Variants in TMPRSS15 observed in about 807,000 individuals in gnomAD.
The protein encoded by TMPRSS15 is enteropeptidase.
A neutral mutation model predicts 125.3 loss-of-function variants in TMPRSS15; 128 were observed. That is an observed-to-expected ratio of 1.02 (90% CI 0.89 to 1.18). TMPRSS15 has a LOEUF of 1.18. TMPRSS15 is among the 50% of genes most tolerant of loss of function. The pLI is 0.00. For synonymous variants in TMPRSS15, 446 were observed against 423.2 expected (o/e 1.05, Z -0.66); for missense variants, 1,283 against 1,212.7 (o/e 1.06, Z -0.86).
chr21:18,332,722 AC>A (rs764075484), intron 13 of TMPRSS15, among the ~76,000 whole-genome samples: 23 of 152,204 alleles, frequency 1.5e-4, no homozygotes, highest in Non-Finnish European at 2.2e-4. Flanking sequence ...ATACAATTTG[AC>A]CCAGCAATTC....
intron 15 of TMPRSS15, among the ~76,000 whole-genome samples, chr21:18,328,014 C>T (rs1355419306): frequency 1.3e-5 from 2 of 152,118 alleles, no homozygotes; most frequent in Non-Finnish European, 2.9e-5. Context: ...GATCGCACCA[C>T]TGCACTCCAG....
intron 1 of TMPRSS15, among the ~76,000 whole-genome samples, chr21:18,479,622 C>A (rs367697239): frequency 2.0e-5 from 3 of 151,690 alleles, no homozygotes; most frequent in African/African-American, 7.3e-5. Context: ...TTATGTGGCC[C>A]ACAAACATGA....
chr21:18,273,154 G>A (rs1162861668), intron 24 of TMPRSS15, among the ~76,000 whole-genome samples: 1 of 152,134 alleles, frequency 6.6e-6, no homozygotes, highest in Non-Finnish European at 1.5e-5. Context: ...CTAAATTTTA[G>A]GTAGAGAAGA....
chr21:18,468,672 A>G (rs962965504), intron 1 of TMPRSS15, among the ~76,000 whole-genome samples: 6 of 152,222 alleles, frequency 3.9e-5, no homozygotes, highest in African/African-American at 1.4e-4. Flanking sequence ...AAAACATAAT[A>G]CAAGAAAAGC....
chr21:18,412,594 T>A (rs2076168815), intron 1 of TMPRSS15, among the ~76,000 whole-genome samples: 2 of 152,186 alleles, frequency 1.3e-5, no homozygotes. Context: ...AATACATAGC[T>A]TCTTTGCTGC....
chr21:18,400,784 C>A (rs952426691), intron 1 of TMPRSS15, among the ~76,000 whole-genome samples: 5 of 151,944 alleles, frequency 3.3e-5, no homozygotes, highest in Non-Finnish European at 7.4e-5. Context: ...TCAAGAAAGT[C>A]AACATACAAC....
chr21:18,324,679 C>T (rs2075271911), intron 16 of TMPRSS15, among the ~76,000 whole-genome samples: 1 of 152,014 alleles, frequency 6.6e-6, no homozygotes, highest in Non-Finnish European at 1.5e-5. Context: ...GTTTTTCTGT[C>T]AACTAAAGTT....
At chr21:18,399,467 A>G (rs1163163292) in intron 1 of TMPRSS15, among the ~76,000 whole-genome samples, 1 of 152,160 alleles carries the variant, frequency 6.6e-6, no homozygotes, top group Admixed American at 6.5e-5. Context: ...TCAAAATTAC[A>G]TTGAAGTTTG....
chr21:18,469,638 A>T (rs1978737483), intron 1 of TMPRSS15, among the ~76,000 whole-genome samples: 2 of 152,046 alleles, frequency 1.3e-5, no homozygotes, highest in Admixed American at 1.3e-4. Context: ...ATACAATACA[A>T]GAGCCACATA....
chr21:18,343,493 G>C lies in TMPRSS15; in HGVS notation c.1428+13C>G. 6.3e-7 allele frequency: 1 copy of C among 1,585,534 alleles called. No individual in the cohort carries two copies. The highest frequency in any genetic ancestry group is 2.2e-5 in the East Asian group (1 of 44,602). On this transcript the variant is annotated intron_variant, in intron 12 of 24. Transcript: ENST00000284885. ...AAAGGATACAAATATAAATAATAAA[G>C]TATTTTGCAAACCTTAAATTTAACT...
chr21:18,316,191 G>C (rs944247084), intron 16 of TMPRSS15, among the ~76,000 whole-genome samples: 2 of 152,118 alleles, frequency 1.3e-5, no homozygotes, highest in African/African-American at 4.8e-5. Context: ...TGAAACCTCA[G>C]ACATCTCTTT....
intron 24 of TMPRSS15, among the ~76,000 whole-genome samples, chr21:18,273,428 G>GTATT (rs2074584678): frequency 6.6e-6 from 1 of 152,176 alleles, no homozygotes; most frequent in Non-Finnish European, 1.5e-5. Flanking sequence ...ACAGTCTAGT[G>GTATT]TATTAATTAC....
At chr21:18,345,244 A>G (rs1336866333) in intron 10 of TMPRSS15, among the ~76,000 whole-genome samples, 1 of 152,130 alleles carries the variant, frequency 6.6e-6, no homozygotes, top group Admixed American at 6.5e-5. Flanking sequence ...CATTACTCCT[A>G]TTTTATATAA....
chr21:18,365,115 C>T, intron 7 of TMPRSS15, 25 bp downstream of exon 7: 1 of 1,588,016 alleles, frequency 6.3e-7, no homozygotes, highest in South Asian at 1.1e-5. Flanking sequence ...GACTTAAGAA[C>T]AGAAAATATA....
intron 6 of TMPRSS15, among the ~76,000 whole-genome samples, chr21:18,368,656 G>A (rs1232171041): frequency 6.6e-6 from 1 of 152,136 alleles, no homozygotes; most frequent in African/African-American, 2.4e-5. Flanking sequence ...TATTTAGCCT[G>A]TCCTAAAGAA....
chr21:18,448,508 A>G (rs2076260250), intron 1 of TMPRSS15, among the ~76,000 whole-genome samples: 1 of 152,130 alleles, frequency 6.6e-6, no homozygotes, highest in African/African-American at 2.4e-5. Context: ...CTGACAATAG[A>G]TGAAACACAC....
At chr21:18,453,936 T>C (rs1978388752) in intron 1 of TMPRSS15, among the ~76,000 whole-genome samples, 1 of 152,142 alleles carries the variant, frequency 6.6e-6, no homozygotes, top group Non-Finnish European at 1.5e-5. Flanking sequence ...GTATGAAGTA[T>C]CTGTAAGAGT....
At chr21:18,296,640 T>C (rs143401299) in intron 19 of TMPRSS15, among the ~76,000 whole-genome samples, 1 of 152,306 alleles carries the variant, frequency 6.6e-6, no homozygotes, top group East Asian at 1.9e-4. Context: ...TTCTTACAAA[T>C]TTTTAAATGC....
chr21:18,475,447 C>A (rs931496155), intron 1 of TMPRSS15, among the ~76,000 whole-genome samples: 1 of 152,038 alleles, frequency 6.6e-6, no homozygotes, highest in Non-Finnish European at 1.5e-5. Flanking sequence ...CGAAAATTAG[C>A]CAGGTGTGGT....
Sources: gnomAD v4.1 joint callset for allele counts (sites outside exome capture counted in the v4.1 genomes callset) on GRCh38, gnomAD v4.1.1 for gene constraint, MANE v1.5 for transcripts, NCBI Gene and HGNC (gene_info 2026-07-23, HGNC 2026-07-21) for gene names.